The following THSD7A variants were observed in gnomAD, a reference collection of about 807,000 sequenced individuals.
THSD7A encodes the protein thrombospondin type-1 domain-containing protein 7A.
A neutral mutation model predicts 231.3 loss-of-function variants in THSD7A; 96 were observed. The ratio of observed to expected loss-of-function variants is 0.41; its 90% CI spans 0.35 to 0.49. The LOEUF (loss-of-function observed/expected upper bound fraction) is 0.49. Ranked by LOEUF, THSD7A falls within the 20% of genes least tolerant of loss-of-function variation. THSD7A has a pLI of 0.05. For missense variants in THSD7A, 2,290 were observed against 2,070.2 expected, an observed-to-expected ratio of 1.11 and a Z score of -2.06; for synonymous variants, 940 against 743.3, an observed-to-expected ratio of 1.26 and a Z score of -4.30.
intron 1 of THSD7A, among the ~76,000 whole-genome samples, chr7:11,762,047 C>A (rs1276625392): frequency 6.6e-6 from 1 of 152,136 alleles, no homozygotes; most frequent in African/African-American, 2.4e-5. Context: ...ATGATGGCCT[C>A]CAGTTTCAAT....
chr7:11,418,898 C>T (rs561449954), intron 16 of THSD7A, among the ~76,000 whole-genome samples: 3 of 151,618 alleles, frequency 2.0e-5, no homozygotes, highest in African/African-American at 2.4e-5. Flanking sequence ...GATATGATTT[C>T]CTTGTTGAAA....
intron 1 of THSD7A, among the ~76,000 whole-genome samples, chr7:11,671,626 T>C (rs1783399346): frequency 6.6e-6 from 1 of 152,168 alleles, no homozygotes; most frequent in African/African-American, 2.4e-5. Context: ...TAATTTGAGA[T>C]GTTAGCTTTA....
chr7:11,379,331 G>A (rs1782415842), intron 25 of THSD7A, 51 bp from the exon 26 acceptor site: 3 of 1,575,460 alleles, frequency 1.9e-6, no homozygotes, highest in Middle Eastern at 3.4e-4. Flanking sequence ...ATCTTTGGAA[G>A]TCTAACAGAC....
At chr7:11,728,173 T>C (rs547897768) in intron 1 of THSD7A, among the ~76,000 whole-genome samples, 4 of 152,096 alleles carry the variant, frequency 2.6e-5, no homozygotes, top group African/African-American at 4.8e-5. Context: ...TTTTTGCTCA[T>C]ATATTTTTAT....
At chr7:11,666,911 G>A (rs914534322) in intron 1 of THSD7A, among the ~76,000 whole-genome samples, 9 of 151,804 alleles carry the variant, frequency 5.9e-5, no homozygotes, top group African/African-American at 1.2e-4. Context: ...TTTAATGCAA[G>A]CATATTAAAA....
intron 2 of THSD7A, among the ~76,000 whole-genome samples, chr7:11,615,306 T>C (rs62434533): frequency 0.019 from 2,930 of 152,266 alleles, 47 homozygotes; most frequent in Non-Finnish European, 0.031. Context: ...AGCTTCTGGT[T>C]CTAAAGATAT....
At chr7:11,391,255 C>T (rs188110120) in intron 23 of THSD7A, among the ~76,000 whole-genome samples, 1 of 152,294 alleles carries the variant, frequency 6.6e-6, no homozygotes, top group East Asian at 1.9e-4. Context: ...TCTATTAGCC[C>T]CTGACTGGGG....
intron 6 of THSD7A, among the ~76,000 whole-genome samples, chr7:11,485,458 C>G (rs1341305548): frequency 6.6e-6 from 1 of 152,212 alleles, no homozygotes; most frequent in Non-Finnish European, 1.5e-5. Flanking sequence ...TGCCCATCTT[C>G]TGTCAGGCAC....
chr7:11,516,542 T>C (rs565380971), intron 6 of THSD7A, among the ~76,000 whole-genome samples: 34 of 152,356 alleles, frequency 2.2e-4, no homozygotes, highest in African/African-American at 7.9e-4. Flanking sequence ...TGTGCAGAGA[T>C]GACCTTGTTT....
intron 1 of THSD7A, among the ~76,000 whole-genome samples, chr7:11,688,974 A>G (rs1435315274): frequency 1.3e-5 from 2 of 151,892 alleles, no homozygotes; most frequent in Non-Finnish European, 2.9e-5. Context: ...AAATAGAAAA[A>G]AAAGTTTCTG....
chr7:11,403,014 T>C (rs994064942), intron 22 of THSD7A, among the ~76,000 whole-genome samples: 1 of 152,156 alleles, frequency 6.6e-6, no homozygotes, highest in African/African-American at 2.4e-5. Flanking sequence ...GCTTCCAAAA[T>C]CTTTAGCCAT....
chr7:11,766,177 G>A (rs886204670), intron 1 of THSD7A, among the ~76,000 whole-genome samples: 1 of 152,138 alleles, frequency 6.6e-6, no homozygotes, highest in Non-Finnish European at 1.5e-5. Context: ...GATGAATGGT[G>A]TATATCTTTA....
chr7:11,479,056 A>C (rs902854505), intron 7 of THSD7A, among the ~76,000 whole-genome samples: 4 of 152,156 alleles, frequency 2.6e-5, no homozygotes, highest in African/African-American at 9.7e-5. Context: ...AGATTGTGGA[A>C]CCAGGTCTTC....
At chr7:11,706,222 C>T (rs1780760023) in intron 1 of THSD7A, among the ~76,000 whole-genome samples, 1 of 150,918 alleles carries the variant, frequency 6.6e-6, no homozygotes, top group Admixed American at 6.6e-5. Context: ...ACACATATCT[C>T]TTATTGATAC....
chr7:11,803,552 T>C (rs951331728), intron 1 of THSD7A, among the ~76,000 whole-genome samples: 3 of 152,152 alleles, frequency 2.0e-5, no homozygotes, highest in Non-Finnish European at 2.9e-5. Context: ...CTAGATTATG[T>C]CTGCTTAAAT....
rs1339937836 is a variant in THSD7A at position 11,379,721 on chromosome 7, C to T, written c.4508-9G>A. On this transcript the variant is annotated splice_polypyrimidine_tract_variant and intron_variant, in intron 24 of 27. Coordinates refer to ENST00000423059, the MANE Select transcript of THSD7A (RefSeq NM_015204.3). ...CATCACCAAGCAGCCCCCTGCGGAA[C>T]AGAAAATCATGTTTTGACAAATAAT... is the stretch of plus-strand genomic sequence containing the variant. The T allele has an allele frequency of 6.3e-7, 1 of 1,576,206 alleles. No homozygotes were observed. The highest frequency in any genetic ancestry group is 8.6e-7 in the Non-Finnish European group (1 of 1,159,856).
chr7:11,712,775 T>C (rs1021293983), intron 1 of THSD7A, among the ~76,000 whole-genome samples: 3 of 151,118 alleles, frequency 2.0e-5, no homozygotes, highest in Non-Finnish European at 4.4e-5. Flanking sequence ...TGGCCTATTA[T>C]ATGTTATTTT....
intron 1 of THSD7A, among the ~76,000 whole-genome samples, chr7:11,804,760 A>C (rs777214931): frequency 9.2e-5 from 14 of 152,168 alleles, no homozygotes; most frequent in Non-Finnish European, 1.6e-4. Context: ...ACTGAATTTT[A>C]AACACTTCCA....
intron 1 of THSD7A, among the ~76,000 whole-genome samples, chr7:11,795,266 C>T (rs1583297220): frequency 6.6e-6 from 1 of 151,872 alleles, no homozygotes; most frequent in African/African-American, 2.4e-5. Context: ...CACACACAAG[C>T]ATGCACATAA....
Sources: gnomAD v4.1 joint callset for allele counts (sites outside exome capture counted in the v4.1 genomes callset) on GRCh38, gnomAD v4.1.1 for gene constraint, MANE v1.5 for transcripts, NCBI Gene and HGNC (gene_info 2026-07-23, HGNC 2026-07-21) for gene names.